Variants in ZNF415 observed in about 807,000 individuals in gnomAD.
ZNF415 encodes the protein zinc finger protein 415.
ZNF415 carries 5 observed loss-of-function variants against 7.3 expected under a neutral mutation model. The ratio of observed to expected loss-of-function variants is 0.69; its 90% CI spans 0.36 to 1.44. ZNF415 has a LOEUF of 1.44. ZNF415 is among the 40% of genes most tolerant of loss of function. ZNF415 has a pLI of 0.04. For missense variants in ZNF415, 628 were observed against 664.8 expected, an observed-to-expected ratio of 0.94 and a Z score of 0.61; for synonymous variants, 207 against 226.3, an observed-to-expected ratio of 0.91 and a Z score of 0.77.
intron 1 of ZNF415, among the ~76,000 whole-genome samples, chr19:53,127,559 T>C (rs190090760): frequency 6.3e-4 from 96 of 152,244 alleles, no homozygotes; most frequent in African/African-American, 2.3e-3. Flanking sequence ...CAAACTGTTA[T>C]TTCTATCTTT....
chr19:53,112,293 C>G (rs932547595), intron 3 of ZNF415, among the ~76,000 whole-genome samples: 2 of 151,672 alleles, frequency 1.3e-5, no homozygotes, highest in Non-Finnish European at 2.9e-5. Flanking sequence ...TGTGGAAAAC[C>G]TGGGTGGACA....
At chr19:53,110,894 T>A (rs1390552828) in intron 3 of ZNF415, among the ~76,000 whole-genome samples, 1 of 152,208 alleles carries the variant, frequency 6.6e-6, no homozygotes, top group East Asian at 1.9e-4. Flanking sequence ...ATTCCCTACA[T>A]ATGCATTGCC....
chr19:53,112,590 G>C (rs1310190984), intron 3 of ZNF415, among the ~76,000 whole-genome samples: 2 of 152,136 alleles, frequency 1.3e-5, no homozygotes, highest in African/African-American at 4.8e-5. Flanking sequence ...AGTGTGGAGG[G>C]TGAGGAAGTC....
At chr19:53,112,869 A>G (rs1469225536) in intron 3 of ZNF415, among the ~76,000 whole-genome samples, 1 of 151,120 alleles carries the variant, frequency 6.6e-6, no homozygotes, top group Non-Finnish European at 1.5e-5. Flanking sequence ...GGTGGATCAC[A>G]TGAGGTCGAG....
At position 53,109,636 on chromosome 19, in the gene ZNF415, G is replaced by A. The variant is rs2085934424; in HGVS notation, c.409C>T (p.His137Tyr). The A allele has an allele frequency of 1.2e-6, 2 of 1,613,992 alleles. No homozygotes were observed. Among genetic ancestry groups the A allele is most frequent in the African/African-American group, 1.3e-5 (1 of 74,910 alleles). The change falls in exon 4 of 4, where the codon CAT (histidine) becomes TAT (tyrosine). Residue 137 changes from histidine (H) to tyrosine (Y), a missense_variant. Coordinates refer to ENST00000243643, the MANE Select transcript of ZNF415 (RefSeq NM_018355.4). Reference protein sequence around the residue: ...RRGIGNKSIKHQLGLSFLPHP... With the variant: ...RRGIGNKSIKYQLGLSFLPHP... ...GGTAGAAAGCTTAATCCAAGCTGAT[G>A]TTTAATAGACTTGTTTCCTATACCT...
Position 53,122,648 on chromosome 19 carries a change from G to C in ZNF415, c.15+14C>G, listed in dbSNP as rs1162538289. ...AGAGGGAGACAGAATGATCCACACA[G>C]AATCTTTCTTTACCTGAGTAAAAGC... is the stretch of plus-strand genomic sequence containing the variant. On this transcript the variant is annotated intron_variant, in intron 2 of 3. Transcript: ENST00000243643. The C allele has an allele frequency of 1.9e-6, 3 of 1,614,114 alleles. No individual in the cohort carries two copies. The highest frequency in any genetic ancestry group is 2.5e-6 in the Non-Finnish European group (3 of 1,180,022).
chr19:53,131,449 T>C (rs1009755218), intron 1 of ZNF415, among the ~76,000 whole-genome samples: 7 of 152,220 alleles, frequency 4.6e-5, no homozygotes, highest in African/African-American at 1.7e-4. Flanking sequence ...TTTAAACTTA[T>C]AAAGACAGAA....
chr19:53,132,326 G>A (rs542592732), intron 1 of ZNF415, among the ~76,000 whole-genome samples: 7 of 152,160 alleles, frequency 4.6e-5, no homozygotes, highest in African/African-American at 7.2e-5. Flanking sequence ...GAGGAGGGCA[G>A]GCAAGAACAT....
rs548528774 is a variant in ZNF415 at position 53,112,028 on chromosome 19, G to A, written c.137-2120C>T. Among the ~76,000 whole-genome samples the A allele has an allele frequency of 9.9e-5, 15 of 150,816 alleles. No homozygotes were observed. The East Asian group carries it at 1.4e-3, about 14-fold the overall frequency. On this transcript the variant is annotated intron_variant, in intron 3 of 3. Coordinates refer to ENST00000243643, the MANE Select transcript of ZNF415 (RefSeq NM_018355.4). Reference sequence around the variant, plus strand: ...GTGATCTCGGCTCACTGCAACCTCCGCCTCCCAGGTTCAAGCAATTCTCTT... The same window carrying A: ...GTGATCTCGGCTCACTGCAACCTCCACCTCCCAGGTTCAAGCAATTCTCTT...
intron 1 of ZNF415, among the ~76,000 whole-genome samples, chr19:53,132,525 G>T (rs3745182): frequency 0.32 from 48,718 of 152,126 alleles, 8,248 homozygotes; most frequent in East Asian, 0.53. Context: ...CTGCAGCTGC[G>T]GCGCTGCGCT....
chr19:53,116,004 G>A, intron 3 of ZNF415: 1 of 618,958 alleles, frequency 1.6e-6, no homozygotes. Flanking sequence ...CAAATATCTA[G>A]CTCCCTTCCA....
chr19:53,112,219 C>T (rs2086339695), intron 3 of ZNF415, among the ~76,000 whole-genome samples: 1 of 152,212 alleles, frequency 6.6e-6, no homozygotes, highest in African/African-American at 2.4e-5. Context: ...ACTCGGATTA[C>T]AGGCGTGAGC....
At chr19:53,127,996 C>T (rs1480192109) in intron 1 of ZNF415, among the ~76,000 whole-genome samples, 3 of 152,172 alleles carry the variant, frequency 2.0e-5, no homozygotes, top group Non-Finnish European at 4.4e-5. Context: ...TGAGACATTC[C>T]TTTACAATTC....
At chr19:53,120,181 GATAA>G (rs1233879313) in intron 2 of ZNF415, among the ~76,000 whole-genome samples, 3 of 152,072 alleles carry the variant, frequency 2.0e-5, no homozygotes, top group South Asian at 2.1e-4. Context: ...ACATAAAAAT[GATAA>G]ATACTCAAGG....
At chr19:53,127,706 G>A (rs1484663969) in intron 1 of ZNF415, among the ~76,000 whole-genome samples, 6 of 151,806 alleles carry the variant, frequency 4.0e-5, no homozygotes, top group Admixed American at 6.6e-5. Flanking sequence ...GTGAAACCCC[G>A]TCTTTACTAA....
chr19:53,117,613 G>A (rs1164788124), intron 2 of ZNF415, among the ~76,000 whole-genome samples: 1 of 152,014 alleles, frequency 6.6e-6, no homozygotes, highest in Non-Finnish European at 1.5e-5. Context: ...AACCCTGCCA[G>A]CCAAGGATAC....
At chr19:53,121,675 G>A (rs987267088) in intron 2 of ZNF415, among the ~76,000 whole-genome samples, 1 of 151,724 alleles carries the variant, frequency 6.6e-6, no homozygotes, top group Admixed American at 6.6e-5. Flanking sequence ...CGCTCACCTC[G>A]GCCTCCAAAG....
intron 3 of ZNF415, 103 bp from the exon 4 acceptor site, chr19:53,110,011 CAG>C: frequency 2.2e-6 from 2 of 917,584 alleles, no homozygotes; most frequent in Non-Finnish European, 3.1e-6. Context: ...TTATATACAA[CAG>C]AGTTATAAAA....
At chr19:53,120,712 C>T (rs577461759) in intron 2 of ZNF415, among the ~76,000 whole-genome samples, 68 of 152,210 alleles carry the variant, frequency 4.5e-4, no homozygotes, top group African/African-American at 1.6e-3. Context: ...AAACTGTTAC[C>T]ATTTTTACCT....
Sources: allele counts gnomAD v4.1 joint callset (sites outside exome capture counted in the v4.1 genomes callset), GRCh38; gene constraint gnomAD v4.1.1; transcripts MANE v1.5; gene names NCBI Gene and HGNC (gene_info 2026-07-23, HGNC 2026-07-21).